The following ACTR3B variants were observed in gnomAD, a reference collection of about 807,000 sequenced individuals.
The protein encoded by ACTR3B is actin-related protein 3B.
In ACTR3B, 8 loss-of-function variants were observed where a neutral mutation model predicts 59.0. The ratio of observed to expected loss-of-function variants is 0.14; its 90% CI spans 0.08 to 0.24. The LOEUF (loss-of-function observed/expected upper bound fraction) is 0.24, where lower values mean the gene tolerates loss of function less well. Ranked by LOEUF, ACTR3B falls within the 10% of genes least tolerant of loss-of-function variation. The pLI, the probability that ACTR3B is intolerant of heterozygous loss-of-function variation, is 1.00. For missense variants in ACTR3B, 245 were observed against 552.3 expected, an observed-to-expected ratio of 0.44 and a Z score of 5.58; for synonymous variants, 148 against 197.9, an observed-to-expected ratio of 0.75 and a Z score of 2.12.
At chr7:152,832,264 C>T (rs549172545) in intron 9 of ACTR3B, among the ~76,000 whole-genome samples, 7 of 152,172 alleles carry the variant, frequency 4.6e-5, no homozygotes, top group African/African-American at 1.7e-4. Flanking sequence ...TCTGAGGCAG[C>T]GGAAGACTAG....
intron 9 of ACTR3B, among the ~76,000 whole-genome samples, chr7:152,828,152 G>C (rs1416189262): frequency 6.6e-6 from 1 of 152,198 alleles, no homozygotes; most frequent in African/African-American, 2.4e-5. Flanking sequence ...ATACTGTCCG[G>C]GTTGGCCTGT....
At chr7:152,805,345 G>A (rs1409187679) in intron 4 of ACTR3B, among the ~76,000 whole-genome samples, 1 of 152,162 alleles carries the variant, frequency 6.6e-6, no homozygotes, top group Non-Finnish European at 1.5e-5. Context: ...AGGTCGAAGC[G>A]TCTGACTGGG....
chr7:152,775,960 A>G (rs1423064700), intron 1 of ACTR3B, among the ~76,000 whole-genome samples: 1 of 152,094 alleles, frequency 6.6e-6, no homozygotes, highest in Non-Finnish European at 1.5e-5. Flanking sequence ...AACTATTGGT[A>G]GTGCTTTATG....
In ACTR3B at chr7:152,854,658, C is replaced by CTGGGCAGCAACA; in HGVS notation, c.*105_*106insTGGGCAGCAACA. ...GTAAATAGCGACGTCGGTGTTGCTG[C>CTGGGCAGCAACA]CCAGCAGCGTGCTTGCATTGCCGGT... On this transcript the variant is annotated 3_prime_UTR_variant, in exon 12 of 12. Transcript: ENST00000256001. The surrounding 1 kb of genome is among the most constrained non-coding windows in gnomAD (Gnocchi z 4.9). 8.2e-7 allele frequency: 1 copy of CTGGGCAGCAACA among 1,212,774 alleles called. No homozygotes were observed. The highest frequency in any genetic ancestry group is 1.2e-6 in the Non-Finnish European group (1 of 840,762). 75.1% of individuals were successfully genotyped at this position (1,212,774 alleles called of 1,614,324 possible).
At chr7:152,853,983 C>T (rs1799055931) in intron 11 of ACTR3B, among the ~76,000 whole-genome samples, 1 of 152,088 alleles carries the variant, frequency 6.6e-6, no homozygotes, top group Non-Finnish European at 1.5e-5. Flanking sequence ...CTGCCTTGGC[C>T]TCGCAAAGTG....
intron 2 of ACTR3B, among the ~76,000 whole-genome samples, chr7:152,788,081 C>G (rs796749329): frequency 1.3e-4 from 14 of 106,596 alleles, no homozygotes; most frequent in East Asian, 2.7e-4. Context: ...CCCACCACCA[C>G]GTCCAGCTAA....
chr7:152,772,858 T>C (rs2098127442), intron 1 of ACTR3B, among the ~76,000 whole-genome samples: 1 of 151,848 alleles, frequency 6.6e-6, no homozygotes, highest in Admixed American at 6.6e-5. Flanking sequence ...AATGATAACA[T>C]GCCATAGCAA....
intron 2 of ACTR3B, among the ~76,000 whole-genome samples, chr7:152,783,906 A>G (rs548583230): frequency 4.6e-5 from 7 of 152,000 alleles, no homozygotes; most frequent in African/African-American, 1.7e-4. Flanking sequence ...CCTGACCAAC[A>G]TGTTGGAACC....
chr7:152,823,044 T>C, intron 7 of ACTR3B, among the ~76,000 whole-genome samples: 1 of 152,186 alleles, frequency 6.6e-6, no homozygotes. Context: ...CGAGGTGCTT[T>C]CTAGACACCT....
chr7:152,789,478 A>G (rs2098187407), intron 2 of ACTR3B, among the ~76,000 whole-genome samples: 1 of 150,964 alleles, frequency 6.6e-6, no homozygotes, highest in African/African-American at 2.5e-5. Context: ...TGCTGTCGTC[A>G]AAATATTTTA....
chr7:152,784,030 C>T (rs933302393), intron 2 of ACTR3B, among the ~76,000 whole-genome samples: 5 of 151,276 alleles, frequency 3.3e-5, no homozygotes, highest in Admixed American at 6.6e-5. Context: ...GTGGAGGTTG[C>T]AGTGAGCCGG....
chr7:152,788,961 G>A (rs1217392429), intron 2 of ACTR3B, among the ~76,000 whole-genome samples: 1 of 152,238 alleles, frequency 6.6e-6, no homozygotes, highest in Admixed American at 6.5e-5. Flanking sequence ...AGTCGAGGTT[G>A]CAGTGAGCTG....
chr7:152,764,450 G>T (rs1339543082), intron 1 of ACTR3B, among the ~76,000 whole-genome samples: 1 of 151,844 alleles, frequency 6.6e-6, no homozygotes, highest in Non-Finnish European at 1.5e-5. Context: ...TGGCTAACAC[G>T]GTGAAACCCC....
At chr7:152,842,692 A>C (rs572063407) in intron 9 of ACTR3B, among the ~76,000 whole-genome samples, 1 of 152,286 alleles carries the variant, frequency 6.6e-6, no homozygotes, top group South Asian at 2.1e-4. Flanking sequence ...GCTGGTGGAC[A>C]TTTGAGTTGT....
At chr7:152,836,445 G>A (rs1480094937) in intron 9 of ACTR3B, among the ~76,000 whole-genome samples, 3 of 152,060 alleles carry the variant, frequency 2.0e-5, no homozygotes, top group South Asian at 4.1e-4. Context: ...AAATTAGCCA[G>A]CTGTGGTGGA....
In ACTR3B at chr7:152,791,722, C is replaced by G. The variant is rs2098196862; in HGVS notation, c.100+8480C>G. 2.6e-5 allele frequency among the ~76,000 whole-genome samples: 4 copies of G among 152,182 alleles called. No individual in the cohort carries two copies. The South Asian group carries it at 8.3e-4, about 32-fold the overall frequency. ...TACCAAGATCTCTCTGGTGCTATTC[C>G]TATATAATTACACTTACTCCTCTCC... On this transcript the variant is annotated intron_variant, in intron 2 of 11. Coordinates refer to ENST00000256001, the MANE Select transcript of ACTR3B (RefSeq NM_020445.6).
intron 9 of ACTR3B, among the ~76,000 whole-genome samples, chr7:152,827,246 A>G (rs1322755739): frequency 1.3e-5 from 2 of 150,588 alleles, no homozygotes; most frequent in African/African-American, 4.9e-5. Context: ...CCTGGCTGTC[A>G]AGTTTGTGCA....
At chr7:152,765,852 A>G (rs2098108289) in intron 1 of ACTR3B, among the ~76,000 whole-genome samples, 2 of 152,122 alleles carry the variant, frequency 1.3e-5, no homozygotes, top group Non-Finnish European at 2.9e-5. Flanking sequence ...TGGTGCCAGC[A>G]TCTAATGAGG....
At chr7:152,810,128 A>G (rs1795091786) in intron 4 of ACTR3B, among the ~76,000 whole-genome samples, 1 of 151,812 alleles carries the variant, frequency 6.6e-6, no homozygotes, top group African/African-American at 2.4e-5. Flanking sequence ...TGTTTTTGAG[A>G]TGGAGTTAAC....
Sources: gnomAD v4.1 joint callset for allele counts (sites outside exome capture counted in the v4.1 genomes callset) on GRCh38, gnomAD v4.1.1 for gene constraint, Gnocchi (gnomAD v3.1) non-coding constraint, MANE v1.5 for transcripts, NCBI Gene and HGNC (gene_info 2026-07-23, HGNC 2026-07-21) for gene names.